SLC9A2: variants seen among roughly 807,000 people sequenced by gnomAD.
SLC9A2 encodes the protein solute carrier family 9 member A2.
Under a neutral mutation model 71.7 loss-of-function variants are expected in SLC9A2, and 42 were observed. The observed-to-expected ratio is 0.59, with a 90% confidence interval of 0.46 to 0.76. The LOEUF (loss-of-function observed/expected upper bound fraction) is 0.76, where lower values mean the gene tolerates loss of function less well. Ranked by LOEUF, SLC9A2 falls within the 30% of genes least tolerant of loss-of-function variation. SLC9A2 has a pLI of 0.00. For synonymous variants in SLC9A2, 396 were observed against 392.5 expected, an observed-to-expected ratio of 1.01 and a Z score of -0.10; for missense variants, 829 against 1,017.4, an observed-to-expected ratio of 0.81 and a Z score of 2.52.
chr2:102,683,651 T>C (rs796537488), intron 4 of SLC9A2, among the ~76,000 whole-genome samples, 173 bp downstream of exon 4: 8 of 152,232 alleles, frequency 5.3e-5, no homozygotes, highest in African/African-American at 1.4e-4. Flanking sequence ...TACTTTTTTC[T>C]CTCCTATATC....
chr2:102,696,584 C>A (rs138290995), intron 7 of SLC9A2, among the ~76,000 whole-genome samples: 97 of 152,232 alleles, frequency 6.4e-4, no homozygotes, highest in Non-Finnish European at 2.6e-4. Flanking sequence ...CGTCACACAG[C>A]AAGCAGACTC....
intron 1 of SLC9A2, among the ~76,000 whole-genome samples, chr2:102,623,712 C>T (rs923091335): frequency 3.9e-4 from 60 of 152,118 alleles, no homozygotes; most frequent in Non-Finnish European, 1.3e-4. Flanking sequence ...CTGCAAAATG[C>T]CATGGTTTCT....
At chr2:102,707,582 C>T (rs1445997048) in intron 11 of SLC9A2, among the ~76,000 whole-genome samples, 1 of 152,100 alleles carries the variant, frequency 6.6e-6, no homozygotes, top group African/African-American at 2.4e-5. Flanking sequence ...GGGTTTTCGC[C>T]CTTTTGTGGA....
At chr2:102,687,355 T>C (rs1020113695) in intron 5 of SLC9A2, among the ~76,000 whole-genome samples, 1 of 152,156 alleles carries the variant, frequency 6.6e-6, no homozygotes, top group African/African-American at 2.4e-5. Flanking sequence ...AGAAAAGATA[T>C]CTTTTCCAGA....
intron 1 of SLC9A2, among the ~76,000 whole-genome samples, chr2:102,628,756 C>T (rs1436383011): frequency 2.6e-5 from 4 of 152,008 alleles, no homozygotes; most frequent in Non-Finnish European, 5.9e-5. Flanking sequence ...ACTATGTTGC[C>T]TTGGCCGCTC....
intron 3 of SLC9A2, among the ~76,000 whole-genome samples, chr2:102,681,758 T>C (rs1455742481): frequency 6.6e-6 from 1 of 152,244 alleles, no homozygotes; most frequent in Non-Finnish European, 1.5e-5. Flanking sequence ...GACAGTGACA[T>C]GGTAGCTCAG....
chr2:102,648,353 A>G (rs1676767676), intron 1 of SLC9A2, among the ~76,000 whole-genome samples: 2 of 152,340 alleles, frequency 1.3e-5, no homozygotes, highest in Middle Eastern at 3.4e-3. Flanking sequence ...CAAAATAATA[A>G]GAGCTATTTA....
intron 7 of SLC9A2, among the ~76,000 whole-genome samples, chr2:102,700,179 T>C (rs1312808187): frequency 6.6e-6 from 1 of 152,164 alleles, no homozygotes; most frequent in East Asian, 1.9e-4. Context: ...AGTTTGAATA[T>C]GTTAAATTTG....
intron 7 of SLC9A2, among the ~76,000 whole-genome samples, chr2:102,695,778 T>TTA (rs1225660937): frequency 2.0e-3 from 49 of 24,568 alleles, no homozygotes; most frequent in African/African-American, 3.5e-3. Flanking sequence ...ATAATATATA[T>TTA]TATATATATA....
chr2:102,635,249 G>A (rs982672748), intron 1 of SLC9A2, among the ~76,000 whole-genome samples: 4 of 152,124 alleles, frequency 2.6e-5, no homozygotes, highest in Non-Finnish European at 5.9e-5. Flanking sequence ...GAAAAATTGC[G>A]GCTTCTTCTT....
chr2:102,631,988 A>C (rs1676363855), intron 1 of SLC9A2, among the ~76,000 whole-genome samples: 1 of 121,682 alleles, frequency 8.2e-6, no homozygotes, highest in African/African-American at 3.2e-5. Context: ...TAATTAATGA[A>C]AGTGGGGATA....
chr2:102,636,136 T>C (rs1030024042), intron 1 of SLC9A2, among the ~76,000 whole-genome samples: 2 of 152,178 alleles, frequency 1.3e-5, no homozygotes, highest in Admixed American at 6.5e-5. Context: ...ATCTTTAAAA[T>C]ACACATCCCA....
chr2:102,625,711 A>G (rs923113270), intron 1 of SLC9A2, among the ~76,000 whole-genome samples: 4 of 152,144 alleles, frequency 2.6e-5, no homozygotes, highest in Non-Finnish European at 5.9e-5. Context: ...TTCTTAATCC[A>G]GTCTATCATT....
At chr2:102,690,968 C>CAAA (rs57709703) in intron 5 of SLC9A2, among the ~76,000 whole-genome samples, 3 of 131,258 alleles carry the variant, frequency 2.3e-5, no homozygotes, top group South Asian at 2.5e-4. Context: ...TCATTTTCTT[C>CAAA]AAAAAAAAAA....
Position 102,623,188 on chromosome 2 carries a change from T to C in SLC9A2, c.289+3051T>C, listed in dbSNP as rs181195149. ...TTGCACCTCCTGTCCTCCCCCAAAT[T>C]TGGAACGTCTCTGGCTACTACTTTA... On this transcript the variant is annotated intron_variant, in intron 1 of 11. Transcript: ENST00000233969. Among the ~76,000 whole-genome samples, 29 of 152,232 alleles carry C rather than the reference T, an allele frequency of 1.9e-4. 1 individual carries two copies. The East Asian group carries it at 5.4e-3, about 28-fold the overall frequency.
At chr2:102,656,543 G>C (rs1331992553) in intron 1 of SLC9A2, among the ~76,000 whole-genome samples, 1 of 152,204 alleles carries the variant, frequency 6.6e-6, no homozygotes, top group Non-Finnish European at 1.5e-5. Context: ...TGAGATTAGA[G>C]ATCATGGCAT....
At chr2:102,641,142 G>T (rs979021842) in intron 1 of SLC9A2, among the ~76,000 whole-genome samples, 3 of 152,174 alleles carry the variant, frequency 2.0e-5, no homozygotes, top group African/African-American at 7.2e-5. Context: ...GTGACCCTGT[G>T]CTCTAGTGGG....
intron 10 of SLC9A2, among the ~76,000 whole-genome samples, chr2:102,705,388 T>C (rs947605014): frequency 2.6e-5 from 4 of 152,158 alleles, no homozygotes; most frequent in Non-Finnish European, 5.9e-5. Context: ...CACTAGCGAC[T>C]GCGGTATTTG....
At chr2:102,631,995 GATATATATATATATAT>G (rs59553931) in intron 1 of SLC9A2, among the ~76,000 whole-genome samples, 9,561 of 43,316 alleles carry the variant, frequency 0.22, 1,424 homozygotes, top group Middle Eastern at 0.55. Context: ...TGAAAGTGGG[GATATATATATATATAT>G]ATATATATAT....
Sources: gnomAD v4.1 joint callset for allele counts (sites outside exome capture counted in the v4.1 genomes callset) on GRCh38, gnomAD v4.1.1 for gene constraint, MANE v1.5 for transcripts, NCBI Gene and HGNC (gene_info 2026-07-23, HGNC 2026-07-21) for gene names.